The following MTOR variants were observed in gnomAD, a reference collection of about 807,000 sequenced individuals.
MTOR encodes the protein mechanistic target of rapamycin kinase.
A neutral mutation model predicts 319.8 loss-of-function variants in MTOR; 70 were observed. That is an observed-to-expected ratio of 0.22 (90% CI 0.18 to 0.27). MTOR has a LOEUF of 0.27. MTOR is among the 10% of genes least tolerant of loss of function. The pLI is 1.00. For missense variants in MTOR, 1,890 were observed against 3,274.4 expected (o/e 0.58, Z 10.32); for synonymous variants, 1,183 against 1,211.4 (o/e 0.98, Z 0.49).
intron 57 of MTOR, among the ~76,000 whole-genome samples, chr1:11,107,793 A>T (rs1641650850): frequency 6.6e-6 from 1 of 152,162 alleles, no homozygotes; most frequent in African/African-American, 2.4e-5. Flanking sequence ...AGACTCCCAG[A>T]TCATAAATCT....
intron 26 of MTOR, among the ~76,000 whole-genome samples, chr1:11,202,946 C>G (rs1304293898): frequency 1.3e-5 from 2 of 151,866 alleles, no homozygotes; most frequent in African/African-American, 4.8e-5. Context: ...GGCGTGGTGG[C>G]TCACGCCTGT....
intron 4 of MTOR, 161 bp from the exon 5 acceptor site, chr1:11,256,353 T>C (rs773182952): frequency 2.0e-5 from 20 of 980,594 alleles, no homozygotes; most frequent in East Asian, 1.1e-4. Context: ...GAAAGCAAAA[T>C]TGATTAAACA....
chr1:11,112,116 G>A (rs932601904), intron 54 of MTOR, among the ~76,000 whole-genome samples: 10 of 152,140 alleles, frequency 6.6e-5, no homozygotes, highest in Non-Finnish European at 1.5e-5. Context: ...CTCTCAGAGG[G>A]ACACAAGTCT....
In MTOR at chr1:11,128,449, C is replaced by T. The variant is rs776969578; in HGVS notation, c.5910+5G>A. ...GATGAGAAACTGCCCAGAGTCTCCA[C>T]ATACCTGGGGGTGGTACCGACCAAT... On this transcript the variant is annotated splice_donor_5th_base_variant and intron_variant, in intron 42 of 57. Transcript: ENST00000361445. This position sits in a 1 kb window ranked among gnomAD's most constrained non-coding sequence, Gnocchi z 5.3. 1 of 1,613,652 alleles carries T rather than the reference C, an allele frequency of 6.2e-7. No homozygotes were observed. Among genetic ancestry groups the T allele is most frequent in the Non-Finnish European group, 8.5e-7 (1 of 1,179,580 alleles).
chr1:11,128,614 A>G lies in MTOR; in HGVS notation c.5812-62T>C. The G allele has an allele frequency of 3.4e-6, 5 of 1,475,280 alleles. No individual in the cohort carries two copies. The South Asian group carries it at 5.7e-5, about 17-fold the overall frequency. The allele number at this position is 1,475,280 out of a possible 1,614,324, so 91.4% of individuals were successfully genotyped here. On this transcript the variant is annotated intron_variant, in intron 41 of 57. Transcript: ENST00000361445. This position sits in a 1 kb window ranked among gnomAD's most constrained non-coding sequence, Gnocchi z 5.3. ...ACTTGAAACAACTAGTTATTCTTCT[A>G]GGCAAAGATCAATTCTTTTAACTTG...
chr1:11,219,971 T>C (rs534112042), intron 19 of MTOR, among the ~76,000 whole-genome samples: 7 of 145,874 alleles, frequency 4.8e-5, no homozygotes, highest in Non-Finnish European at 1.0e-4. Flanking sequence ...AGGTGGAGGT[T>C]GCAGTTAACC....
At chr1:11,139,763 C>T (rs1234822089) in intron 34 of MTOR, 105 bp from the exon 35 acceptor site, 8 of 1,400,184 alleles carry the variant, frequency 5.7e-6, no homozygotes, top group African/African-American at 1.4e-5. Flanking sequence ...GCAATCTTGG[C>T]TCACTGCAAC....
intron 30 of MTOR, among the ~76,000 whole-genome samples, chr1:11,151,139 G>A (rs1644127298): frequency 6.6e-6 from 1 of 152,126 alleles, no homozygotes. Context: ...GGTGTAGGAG[G>A]GCGGGGATAA....
At chr1:11,132,017 C>G (rs1329259953) in intron 38 of MTOR, 1 of 152,150 alleles carries the variant, frequency 6.6e-6, no homozygotes, top group East Asian at 1.9e-4. Context: ...TGGCAATGAC[C>G]TGGGGTCAAG....
rs776815155 is a variant in MTOR at position 11,243,098 on chromosome 1, T to C, written c.1412+16A>G. 1.2e-5 allele frequency: 20 copies of C among 1,613,616 alleles called. No individual in the cohort carries two copies. The South Asian group carries it at 1.9e-4, about 15-fold the overall frequency. ...CCAAATGGAGTGGAAGGTGAAATCA[T>C]AACAGAGGTGCTTACTTATGGGCGA... On this transcript the variant is annotated intron_variant, in intron 9 of 57. Coordinates refer to ENST00000361445, the MANE Select transcript of MTOR (RefSeq NM_004958.4).
chr1:11,215,187 A>T (rs1262457607), intron 20 of MTOR, among the ~76,000 whole-genome samples: 2 of 152,160 alleles, frequency 1.3e-5, no homozygotes, highest in African/African-American at 4.8e-5. Context: ...GGGGGGATTA[A>T]GTCACAGATT....
At chr1:11,161,341 A>G (rs1644470880) in intron 29 of MTOR, among the ~76,000 whole-genome samples, 1 of 152,230 alleles carries the variant, frequency 6.6e-6, no homozygotes, top group South Asian at 2.1e-4. Flanking sequence ...CTGCCTCTGT[A>G]GACTCCACCT....
intron 36 of MTOR, among the ~76,000 whole-genome samples, chr1:11,134,764 A>C (rs1035111111): frequency 1.3e-5 from 2 of 152,236 alleles, no homozygotes; most frequent in East Asian, 3.8e-4. Flanking sequence ...AAAAATTCCT[A>C]CAAAGTAATT....
At chr1:11,232,617 G>A in intron 15 of MTOR, 89 bp from the exon 16 acceptor site, 3 of 1,024,536 alleles carry the variant, frequency 2.9e-6, no homozygotes, top group South Asian at 2.8e-5. Flanking sequence ...GCTCATGCCT[G>A]TAATCCCAGC....
chr1:11,171,550 C>T (rs1040532703), intron 28 of MTOR, among the ~76,000 whole-genome samples: 1 of 151,972 alleles, frequency 6.6e-6, no homozygotes, highest in African/African-American at 2.4e-5. Context: ...TCCACTCTCC[C>T]AATTATCACA....
At chr1:11,201,062 C>T (rs1426076809) in intron 26 of MTOR, among the ~76,000 whole-genome samples, 3 of 151,566 alleles carry the variant, frequency 2.0e-5, no homozygotes, top group Admixed American at 1.3e-4. Flanking sequence ...CAGGTAATTA[C>T]AGTCGCTGGT....
In MTOR at chr1:11,127,050, T is replaced by C. The variant is rs1642873224; in HGVS notation, c.6311A>G (p.Tyr2104Cys). 6.2e-7 allele frequency: 1 copy of C among 1,614,054 alleles called. No homozygotes were observed. Among genetic ancestry groups the C allele is most frequent in the African/African-American group, 1.3e-5 (1 of 74,924 alleles). ...TGAGATTCGTCGGAACACATGATAA[T>C]AGAGGTCCCAGGCTTGGGTGAGGTC... ...VKDLTQAWDL[Y>C]YHVFRRISKQ... The change falls in exon 45 of 58, where the codon TAT becomes TGT. Residue 2104 changes from tyrosine to cysteine, a missense_variant. Physicochemically the swap from Tyr to Cys is radical, Grantham distance 194. Transcript: ENST00000361445. This position sits in a 1 kb window ranked among gnomAD's most constrained non-coding sequence, Gnocchi z 5.5.
At chr1:11,179,817 AC>A (rs1486792754) in intron 28 of MTOR, among the ~76,000 whole-genome samples, 1 of 152,106 alleles carries the variant, frequency 6.6e-6, no homozygotes, top group African/African-American at 2.4e-5. Context: ...CTTTTCTCCT[AC>A]TCTTTGCAGC....
chr1:11,127,265 G>C lies in MTOR; in HGVS notation c.6217-121C>G. 1 of 1,384,288 alleles carries C rather than the reference G, an allele frequency of 7.2e-7. No individual in the cohort carries two copies. The highest frequency in any genetic ancestry group is 1.4e-5 in the South Asian group (1 of 72,820). The allele number at this position is 1,384,288 out of a possible 1,614,324, so 85.8% of individuals were successfully genotyped here. ...CCGCTGTGGCCTGAAAACACTGGCA[G>C]GGGGCTGGAGAAAGCAAGAGCATAG... On this transcript the variant is annotated intron_variant, in intron 44 of 57. Transcript: ENST00000361445. This position sits in a 1 kb window ranked among gnomAD's most constrained non-coding sequence, Gnocchi z 5.5.
Sources: gnomAD v4.1 joint callset for allele counts (sites outside exome capture counted in the v4.1 genomes callset) on GRCh38, gnomAD v4.1.1 for gene constraint, Gnocchi (gnomAD v3.1) non-coding constraint, MANE v1.5 for transcripts, NCBI Gene and HGNC (gene_info 2026-07-23, HGNC 2026-07-21) for gene names.